SPAST: variants seen among roughly 807,000 people sequenced by gnomAD.
The protein encoded by SPAST is spastin.
In SPAST, 30 loss-of-function variants were observed where a neutral mutation model predicts 76.6. That is an observed-to-expected ratio of 0.39 (90% CI 0.29 to 0.53). The LOEUF (loss-of-function observed/expected upper bound fraction) is 0.53, where lower values mean the gene tolerates loss of function less well. Ranked by LOEUF, SPAST falls within the 20% of genes least tolerant of loss-of-function variation. SPAST has a pLI of 0.68. For missense variants in SPAST, 717 were observed against 770.5 expected, an observed-to-expected ratio of 0.93 and a Z score of 0.82; for synonymous variants, 305 against 281.0, an observed-to-expected ratio of 1.09 and a Z score of -0.86.
chr2:32,087,362 G>A (rs565009936), intron 1 of SPAST, 130 bp from the exon 2 acceptor site: 52 of 537,532 alleles, frequency 9.7e-5, no homozygotes, highest in African/African-American at 9.4e-4. Context: ...AAAATACTAA[G>A]AAGTTATATA....
At chr2:32,115,664 A>C (rs1207561314) in intron 5 of SPAST, 38 bp from the exon 6 acceptor site, 1 of 1,484,180 alleles carries the variant, frequency 6.7e-7, no homozygotes, top group Non-Finnish European at 9.4e-7. Context: ...TGTAAATGTT[A>C]GGTTGTATTT....
intron 9 of SPAST, among the ~76,000 whole-genome samples, chr2:32,131,985 A>G (rs1306639005): frequency 6.6e-6 from 1 of 152,034 alleles, no homozygotes; most frequent in African/African-American, 2.4e-5. Flanking sequence ...TTTTATCCAT[A>G]CTTTTTTCAA....
Position 32,114,712 on chromosome 2 carries a change from A to G in SPAST, c.757A>G (p.Met253Val), listed in dbSNP as rs1253864328. 2 of 1,614,124 alleles carry G rather than the reference A, an allele frequency of 1.2e-6. No homozygotes were observed. Among genetic ancestry groups the G allele is most frequent in the African/African-American group, 1.3e-5 (1 of 75,054 alleles). ...SNSLPRSKTVMKTGSAGLSGH... is the reference protein window; with the variant it reads ...SNSLPRSKTVVKTGSAGLSGH... ...TTCACTGCCTCGTTCAAAAACAGTT[A>G]TGAAAACTGGATCTGCAGGCCTTTC... Residue 253 changes from methionine to valine, a missense_variant, in exon 5 of 17, where the codon ATG (methionine) becomes GTG (valine). Met to Val is a conservative substitution (Grantham distance 21). Transcript: ENST00000315285.
rs1181424925 is a variant in SPAST, at chr2:32,113,806, A to G, written c.683-832A>G. Among the ~76,000 whole-genome samples, 3 of 151,990 alleles carry G rather than the reference A, an allele frequency of 2.0e-5. No individual in the cohort carries two copies. In the East Asian group the frequency reaches 5.8e-4, roughly 29 times the overall value. ...GGTCTTGAACTACTGACATCAGGTG[A>G]TCCGTCCACCTCGATCTCCCAAAGT... On this transcript the variant is annotated intron_variant, in intron 4 of 16. Coordinates refer to ENST00000315285, the MANE Select transcript of SPAST (RefSeq NM_014946.4).
intron 1 of SPAST, 40 bp downstream of exon 1, chr2:32,064,286 A>G (rs1169258311): frequency 2.8e-6 from 2 of 707,830 alleles, no homozygotes; most frequent in African/African-American, 1.8e-5. Context: ...GGCGCCGGGA[A>G]GAAGGCGGTG....
In SPAST at chr2:32,063,952, C is replaced by A. The variant is rs374457601; in HGVS notation, c.121C>A (p.Pro41Thr). 4 of 1,610,942 alleles carry A rather than the reference C, an allele frequency of 2.5e-6. No homozygotes were observed. Among genetic ancestry groups the A allele is most frequent in the African/African-American group, 2.7e-5 (2 of 74,924 alleles). Residue 41 changes from proline (P) to threonine (T), a missense_variant, in exon 1 of 17, where the codon CCG (proline) becomes ACG (threonine). Physicochemically the swap from Pro to Thr is conservative, Grantham distance 38 (BLOSUM62 -1). Coordinates refer to ENST00000315285, the MANE Select transcript of SPAST (RefSeq NM_014946.4). ...CCCTCCCGCCGCCGGGCCGGCCCCT[C>A]CGCCCGAGTCGCCGCATAAGCGGAA... ...PAPPAAGPAP[P>T]PESPHKRNLY... is the part of the protein sequence containing the mutation.
chr2:32,081,972 G>A (rs1342792767), intron 1 of SPAST, among the ~76,000 whole-genome samples: 1 of 144,326 alleles, frequency 6.9e-6, no homozygotes, highest in African/African-American at 2.5e-5. Flanking sequence ...CCTTCAAACA[G>A]ATGTTTTTAA....
At chr2:32,096,590 A>G (rs964705592) in intron 3 of SPAST, among the ~76,000 whole-genome samples, 1 of 152,208 alleles carries the variant, frequency 6.6e-6, no homozygotes, top group African/African-American at 2.4e-5. Context: ...TTCTACACAT[A>G]TAAATCTGAA....
At chr2:32,143,876 T>A (rs1030111130) in intron 14 of SPAST, among the ~76,000 whole-genome samples, 3 of 152,080 alleles carry the variant, frequency 2.0e-5, no homozygotes, top group African/African-American at 7.2e-5. Context: ...TCAAAAAAAA[T>A]TTTAAACATT....
chr2:32,124,744 T>C (rs11683110), intron 7 of SPAST, among the ~76,000 whole-genome samples: 55,884 of 151,990 alleles, frequency 0.37, 10,639 homozygotes, highest in East Asian at 0.64. Context: ...CACAAAAATA[T>C]ATGGAGGAAC....
chr2:32,084,210 C>T (rs937161818), intron 1 of SPAST, among the ~76,000 whole-genome samples: 2 of 151,736 alleles, frequency 1.3e-5, no homozygotes, highest in African/African-American at 4.8e-5. Context: ...CTTGCTCTGT[C>T]ACCCAGGCTG....
intron 7 of SPAST, among the ~76,000 whole-genome samples, chr2:32,123,662 C>T (rs1306154925): frequency 6.6e-6 from 1 of 152,148 alleles, no homozygotes; most frequent in East Asian, 1.9e-4. Context: ...ATGTCATTGG[C>T]AAAAGAATAG....
intron 16 of SPAST, among the ~76,000 whole-genome samples, chr2:32,148,576 G>A (rs12996943): frequency 1.3e-5 from 2 of 151,840 alleles, no homozygotes; most frequent in African/African-American, 2.4e-5. Context: ...TTGGGAGGCC[G>A]AGGCGGGCGG....
intron 1 of SPAST, among the ~76,000 whole-genome samples, chr2:32,075,425 CAAA>C (rs70938315): frequency 7.2e-4 from 47 of 65,604 alleles, no homozygotes; most frequent in Admixed American, 1.9e-3. Flanking sequence ...GACTCTGTCT[CAAA>C]AAAAAAAAAA....
chr2:32,084,882 C>T (rs567727149), intron 1 of SPAST, among the ~76,000 whole-genome samples: 244 of 97,830 alleles, frequency 2.5e-3, no homozygotes, highest in African/African-American at 0.01. Flanking sequence ...AGTGAGACTC[C>T]GTCTCAAAAA....
intron 16 of SPAST, among the ~76,000 whole-genome samples, chr2:32,151,633 C>T (rs1439101468): frequency 6.6e-6 from 1 of 151,916 alleles, no homozygotes; most frequent in Non-Finnish European, 1.5e-5. Flanking sequence ...AACTTGGTCG[C>T]ACACAGTGGC....
At chr2:32,126,695 C>T (rs1349352656) in intron 7 of SPAST, 6 of 346,392 alleles carry the variant, frequency 1.7e-5, no homozygotes, top group Non-Finnish European at 2.6e-5. Context: ...CTATGTTGCC[C>T]AAGCTGGTCT....
At chr2:32,145,322 C>T (rs1340460954) in intron 15 of SPAST, among the ~76,000 whole-genome samples, 4 of 152,134 alleles carry the variant, frequency 2.6e-5, no homozygotes, top group African/African-American at 9.7e-5. Flanking sequence ...GTCTTGAACT[C>T]CCGGGCTCAA....
chr2:32,142,367 C>G (rs755551087), intron 13 of SPAST, among the ~76,000 whole-genome samples: 1 of 152,102 alleles, frequency 6.6e-6, no homozygotes, highest in Admixed American at 6.5e-5. Context: ...TGATATATGT[C>G]GCATATCATA....
Sources: allele counts gnomAD v4.1 joint callset (sites outside exome capture counted in the v4.1 genomes callset), GRCh38; gene constraint gnomAD v4.1.1; transcripts MANE v1.5; gene names NCBI Gene and HGNC (gene_info 2026-07-23, HGNC 2026-07-21).